EVC: variants seen among roughly 807,000 people sequenced by gnomAD.
The protein encoded by EVC is evC complex member EVC.
Under a neutral mutation model 118.9 loss-of-function variants are expected in EVC, and 116 were observed. The ratio of observed to expected loss-of-function variants is 0.98; its 90% CI spans 0.84 to 1.14. The LOEUF (loss-of-function observed/expected upper bound fraction) is 1.14, where lower values mean the gene tolerates loss of function less well. EVC is among the 50% of genes most tolerant of loss of function. The pLI, the probability that EVC is intolerant of heterozygous loss-of-function variation, is 0.00. For synonymous variants in EVC, 619 were observed against 534.7 expected (o/e 1.16, Z -2.18); for missense variants, 1,401 against 1,246.4 (o/e 1.12, Z -1.87).
intron 8 of EVC, chr4:5,752,577 A>C: frequency 1.8e-6 from 1 of 565,238 alleles, no homozygotes; most frequent in Non-Finnish European, 3.2e-6. Flanking sequence ...CCCTCTGGGG[A>C]GCGCTACTGG....
chr4:5,753,068 G>C lies in EVC; in HGVS notation c.1315+16G>C. ...TTCAGCCGGGGTGAGCCGTGGGCATGGGTGCCGCCGTCCACAACACTGGCC... is the reference window on the plus strand; with the variant it reads ...TTCAGCCGGGGTGAGCCGTGGGCATCGGTGCCGCCGTCCACAACACTGGCC... On this transcript the variant is annotated intron_variant, in intron 9 of 20. Transcript: ENST00000264956. The C allele has an allele frequency of 6.4e-7, 1 of 1,566,744 alleles. No individual in the cohort carries two copies. The highest frequency in any genetic ancestry group is 8.6e-7 in the Non-Finnish European group (1 of 1,156,484).
rs572972740 is a variant in EVC, at chr4:5,713,655, C to T, written c.174+2101C>T. Among the ~76,000 whole-genome samples the T allele has an allele frequency of 1.2e-3, 141 of 116,052 alleles. 4 individuals carry two copies. In the South Asian group the frequency reaches 0.034, roughly 28 times the overall value. The allele number at this position is 116,052 out of a possible 152,430, so 76.1% of individuals were successfully genotyped here. A position where few individuals can be genotyped will look rare whatever the true frequency, so the allele number is the denominator to read the frequency against. On this transcript the variant is annotated intron_variant, in intron 1 of 20. Transcript: ENST00000264956. ...TCGCACCATTGCACTCCAGCCTGGG[C>T]GATAGAGCAAGGCTCCGTCTCAAAA...
At chr4:5,739,266 T>C (rs1728160368) in intron 5 of EVC, among the ~76,000 whole-genome samples, 1 of 152,212 alleles carries the variant, frequency 6.6e-6, no homozygotes, top group African/African-American at 2.4e-5. Context: ...AATAATGTTA[T>C]TATATCTTAT....
chr4:5,794,984 T>C (rs1355432484), intron 13 of EVC, among the ~76,000 whole-genome samples: 1 of 152,180 alleles, frequency 6.6e-6, no homozygotes, highest in Non-Finnish European at 1.5e-5. Context: ...GAACATGCAG[T>C]ATTTGGTTTT....
chr4:5,762,383 G>C (rs1418619596), intron 11 of EVC, among the ~76,000 whole-genome samples: 1 of 136,618 alleles, frequency 7.3e-6, no homozygotes, highest in Non-Finnish European at 1.6e-5. Context: ...TGTCTTTATA[G>C]CAGCATGATT....
chr4:5,720,180 C>T (rs1268938075), intron 2 of EVC, among the ~76,000 whole-genome samples: 1 of 152,164 alleles, frequency 6.6e-6, no homozygotes, highest in African/African-American at 2.4e-5. Flanking sequence ...GCTTCATCTT[C>T]TGGAATAAGG....
chr4:5,728,627 G>C, intron 2 of EVC, among the ~76,000 whole-genome samples: 1 of 152,154 alleles, frequency 6.6e-6, no homozygotes, highest in East Asian at 1.9e-4. Context: ...TGGTCTTCGA[G>C]GGCAGCTACT....
chr4:5,764,721 T>C (rs1732600271), intron 11 of EVC, among the ~76,000 whole-genome samples: 1 of 144,916 alleles, frequency 6.9e-6, no homozygotes, highest in Admixed American at 6.8e-5. Context: ...TGATGGTAGT[T>C]TGTATTTCTG....
intron 11 of EVC, among the ~76,000 whole-genome samples, chr4:5,780,004 G>C (rs1735329249): frequency 6.6e-6 from 1 of 152,040 alleles, no homozygotes; most frequent in African/African-American, 2.4e-5. Context: ...TTATTATTTT[G>C]AGATACGTCC....
rs1022278590 is a variant in EVC, at chr4:5,737,099, C to G, written c.702+3664C>G. On this transcript the variant is annotated intron_variant, in intron 5 of 20. Transcript: ENST00000264956. This position sits in a 1 kb window ranked among gnomAD's most constrained non-coding sequence, Gnocchi z 5.0. The stretch of plus-strand genomic sequence containing the variant: ...ACGAATGATCAGAAAGCAAAACAAC[C>G]TTATTGCTGATATGGAGAAAGTCTG... Among the ~76,000 whole-genome samples the G allele has an allele frequency of 1.3e-5, 2 of 152,162 alleles. No homozygotes were observed. Among genetic ancestry groups the G allele is most frequent in the South Asian group, 4.1e-4 (2 of 4,828 alleles).
chr4:5,790,913 G>T (rs1712650457), intron 12 of EVC, among the ~76,000 whole-genome samples: 1 of 152,112 alleles, frequency 6.6e-6, no homozygotes, highest in South Asian at 2.1e-4. Context: ...GTCCAACATG[G>T]TGAAACCCTG....
chr4:5,744,528 T>C (rs1052534836), intron 6 of EVC, among the ~76,000 whole-genome samples: 2 of 152,182 alleles, frequency 1.3e-5, no homozygotes, highest in African/African-American at 2.4e-5. Flanking sequence ...AGGACAGATA[T>C]AGAAATGTAG....
intron 11 of EVC, among the ~76,000 whole-genome samples, chr4:5,781,779 G>C (rs1232915100): frequency 1.3e-5 from 2 of 152,268 alleles, no homozygotes; most frequent in Admixed American, 1.3e-4. Context: ...AGTCGAGGGT[G>C]TGATCACGCC....
In EVC at chr4:5,755,735, G is replaced by A. The variant is rs761664878; in HGVS notation, c.1465-529G>A. Among the ~76,000 whole-genome samples the A allele has an allele frequency of 1.3e-5, 2 of 151,986 alleles. No individual in the cohort carries two copies. The highest frequency in any genetic ancestry group is 6.3e-3 in the Middle Eastern group (2 of 316). ...TTCCTCTGTCCTTCTGCCCCACCTC[G>A]CCCCTCGCTGATGCTCTGTTTAGGG... is the stretch of plus-strand genomic sequence containing the variant. On this transcript the variant is annotated intron_variant, in intron 10 of 20. Transcript: ENST00000264956. The surrounding 1 kb of genome is among the most constrained non-coding windows in gnomAD (Gnocchi z 4.1).
At chr4:5,722,630 G>A (rs1293994019) in intron 2 of EVC, among the ~76,000 whole-genome samples, 1 of 152,182 alleles carries the variant, frequency 6.6e-6, no homozygotes, top group Admixed American at 6.5e-5. Context: ...CTATTCCACA[G>A]CCTCCGTCTC....
intron 4 of EVC, among the ~76,000 whole-genome samples, chr4:5,732,413 C>G (rs150406985): frequency 6.6e-6 from 1 of 152,206 alleles, no homozygotes; most frequent in African/African-American, 2.4e-5. Context: ...GAAGGGACTT[C>G]GTTGAAGAGG....
chr4:5,792,050 A>G (rs1712887885), intron 12 of EVC, among the ~76,000 whole-genome samples: 1 of 152,220 alleles, frequency 6.6e-6, no homozygotes, highest in Admixed American at 6.5e-5. Flanking sequence ...CAAGGTAGAG[A>G]AAAAAGTATT....
At chr4:5,716,954 T>C (rs57568176) in intron 1 of EVC, among the ~76,000 whole-genome samples, 27,641 of 152,182 alleles carry the variant, frequency 0.18, 3,087 homozygotes, top group African/African-American at 0.3. Flanking sequence ...GTAAATGAAA[T>C]TGCACCACGA....
Position 5,811,175 on chromosome 4 carries a change from A to G in EVC, c.*138A>G. 2 of 720,430 alleles carry G rather than the reference A, an allele frequency of 2.8e-6. No homozygotes were observed. The highest frequency in any genetic ancestry group is 4.9e-6 in the Non-Finnish European group (2 of 411,034). The allele number at this position is 720,430 out of a possible 1,614,324, so 44.6% of individuals were successfully genotyped here. On this transcript the variant is annotated 3_prime_UTR_variant, in exon 21 of 21. Transcript: ENST00000264956. ...AGGCTCTTCTGAGAGGGACAGAGAA[A>G]GAATAGAAATGTGCCCTAAAAGCAT...
Sources: allele counts gnomAD v4.1 joint callset (sites outside exome capture counted in the v4.1 genomes callset), GRCh38; gene constraint gnomAD v4.1.1; non-coding constraint Gnocchi (gnomAD v3.1); transcripts MANE v1.5; gene names NCBI Gene and HGNC (gene_info 2026-07-23, HGNC 2026-07-21).